FRAS1: variants seen among roughly 807,000 people sequenced by gnomAD.
The protein encoded by FRAS1 is Fraser extracellular matrix complex subunit 1, also known as extracellular matrix organizing protein FRAS1.
FRAS1 carries 290 observed loss-of-function variants against 435.2 expected under a neutral mutation model. That is an observed-to-expected ratio of 0.67 (90% CI 0.61 to 0.73). The LOEUF (loss-of-function observed/expected upper bound fraction) is 0.73. Among genes scored for constraint, FRAS1 ranks in the 30% least tolerant of loss-of-function variants. FRAS1 has a pLI of 0.00. For missense variants in FRAS1, 4,860 were observed against 5,001.5 expected, an observed-to-expected ratio of 0.97 and a Z score of 0.85; for synonymous variants, 1,800 against 1,851.0, an observed-to-expected ratio of 0.97 and a Z score of 0.71.
intron 58 of FRAS1, among the ~76,000 whole-genome samples, chr4:78,484,136 G>T (rs66516926): frequency 4.0e-5 from 6 of 151,852 alleles, no homozygotes; most frequent in Non-Finnish European, 7.4e-5. Flanking sequence ...TCATAAAAAT[G>T]GAATCATATA....
chr4:78,527,979 G>GA (rs1391009699), intron 70 of FRAS1, among the ~76,000 whole-genome samples: 1 of 152,118 alleles, frequency 6.6e-6, no homozygotes, highest in Non-Finnish European at 1.5e-5. Flanking sequence ...GAAGCACAGA[G>GA]AGTTCATCCA....
intron 22 of FRAS1, among the ~76,000 whole-genome samples, chr4:78,365,737 TA>T (rs531246410): frequency 0.027 from 3,617 of 132,070 alleles, 93 homozygotes; most frequent in African/African-American, 0.062. Context: ...TCTAGTACAT[TA>T]AAAAAAAAAA....
At chr4:78,117,133 G>T (rs777621999) in intron 2 of FRAS1, among the ~76,000 whole-genome samples, 34 of 152,102 alleles carry the variant, frequency 2.2e-4, no homozygotes, top group Non-Finnish European at 8.8e-5. Flanking sequence ...GAAAATGCTT[G>T]TCTTTAAAGA....
chr4:78,290,279 C>T (rs184125653), intron 14 of FRAS1, among the ~76,000 whole-genome samples: 7 of 152,242 alleles, frequency 4.6e-5, no homozygotes, highest in Non-Finnish European at 1.0e-4. Flanking sequence ...TGTTTGTCTA[C>T]TTAAAACTTA....
In FRAS1 at chr4:78,238,359, G is replaced by C. The variant is rs901265893; in HGVS notation, c.216+742G>C. 2.5e-3 allele frequency among the ~76,000 whole-genome samples: 373 copies of C among 149,962 alleles called. 16 individuals carry two copies. The highest frequency in any genetic ancestry group is 8.6e-3 in the African/African-American group (353 of 41,238). ...TAAAGTGAATCTATTTTTTAAAAAA[G>C]CTTAAGCTTTAAATTTGAACTTCTG... On this transcript the variant is annotated intron_variant, in intron 3 of 73. Coordinates refer to ENST00000512123, the MANE Select transcript of FRAS1 (RefSeq NM_025074.7).
At chr4:78,209,322 A>T (rs759764766) in intron 2 of FRAS1, among the ~76,000 whole-genome samples, 46 of 152,166 alleles carry the variant, frequency 3.0e-4, no homozygotes, top group Admixed American at 2.9e-3. Context: ...TGGAGGTTGC[A>T]TGCACTGGTG....
intron 24 of FRAS1, 33 bp downstream of exon 24, chr4:78,372,891 C>G: frequency 6.2e-7 from 1 of 1,600,606 alleles, no homozygotes; most frequent in Non-Finnish European, 8.5e-7. Context: ...CTGTGCTCAG[C>G]CATACCTTGG....
Position 78,481,805 on chromosome 4 carries a change from C to A in FRAS1, c.8445C>A (p.Gly2815=), listed in dbSNP as rs372316700. The stretch of plus-strand genomic sequence containing the variant: ...AAATCTCTATGAATCTTAATTCAGG[C>A]ACAGTAAAGATTCCAGTTATCCGCC... ...NTAFTVSEDA[G]TVKIPVIRHG... The change falls in exon 57 of 74, where the codon GGC becomes GGA. Residue 2815 remains glycine (G), a splice_region_variant and synonymous_variant. Transcript: ENST00000512123. The A allele has an allele frequency of 6.2e-7, 1 of 1,613,842 alleles. No individual in the cohort carries two copies. Among genetic ancestry groups the A allele is most frequent in the Non-Finnish European group, 8.5e-7 (1 of 1,179,754 alleles).
At chr4:78,408,803 G>A (rs931506828) in intron 31 of FRAS1, among the ~76,000 whole-genome samples, 1 of 152,132 alleles carries the variant, frequency 6.6e-6, no homozygotes, top group Non-Finnish European at 1.5e-5. Flanking sequence ...ACCATAAGGA[G>A]ACCTTCAGTA....
In FRAS1 at chr4:78,499,703, C is replaced by A. The variant is rs1720617462; in HGVS notation, c.9116-18C>A. 1.2e-6 allele frequency: 2 copies of A among 1,610,322 alleles called. No individual in the cohort carries two copies. Among genetic ancestry groups the A allele is most frequent in the Middle Eastern group, 1.8e-4 (1 of 5,594 alleles). On this transcript the variant is annotated intron_variant, in intron 60 of 73. Coordinates refer to ENST00000512123, the MANE Select transcript of FRAS1 (RefSeq NM_025074.7). ...GCTATTCTAACTGGCTCTTGTTTTC[C>A]TAACCATATTTCCTTAGCCCCCACC...
chr4:78,293,940 A>G (rs1728025595), intron 14 of FRAS1, among the ~76,000 whole-genome samples: 2 of 152,242 alleles, frequency 1.3e-5, no homozygotes, highest in Non-Finnish European at 2.9e-5. Context: ...AGCCTGCCAC[A>G]GATGCCACAG....
rs1173708759 is a variant in FRAS1 at position 78,369,906 on chromosome 4, G to A, written c.2791G>A (p.Val931Ile). 6 of 1,613,744 alleles carry A rather than the reference G, an allele frequency of 3.7e-6. No homozygotes were observed. In the South Asian group the frequency reaches 6.6e-5, roughly 18 times the overall value. Residue 931 changes from valine (V) to isoleucine (I), a missense_variant, in exon 23 of 74, where the codon GTT becomes ATT. Coordinates refer to ENST00000512123, the MANE Select transcript of FRAS1 (RefSeq NM_025074.7). ...SCTSCRDPNK[V>I]LLFGECQYES... ...TACCTCCTGCCGAGATCCAAACAAGGTTCTGCTCTTTGGGGAATGTCAATA... is the reference window on the plus strand; with the variant it reads ...TACCTCCTGCCGAGATCCAAACAAGATTCTGCTCTTTGGGGAATGTCAATA...
intron 2 of FRAS1, among the ~76,000 whole-genome samples, chr4:78,177,873 T>A (rs1246072707): frequency 2.6e-5 from 4 of 152,196 alleles, no homozygotes; most frequent in Non-Finnish European, 5.9e-5. Context: ...GTCAGTACAA[T>A]GGCAGTAATG....
Position 78,466,400 on chromosome 4 carries a change from A to C in FRAS1, c.7222A>C (p.Asn2408His). Residue 2408 changes from asparagine (N) to histidine (H), a missense_variant, in exon 50 of 74, where the codon AAC becomes CAC. Asn to His is a moderately conservative substitution (Grantham distance 68). Coordinates refer to ENST00000512123, the MANE Select transcript of FRAS1 (RefSeq NM_025074.7). ...RFTFTVSDGT[N>H]PFFIIEEGGK... ...CACCTTCACTGTTTCTGATGGGACA[A>C]ACCCCTTCTTTATCATTGAGGAAGG... 1.2e-6 allele frequency: 2 copies of C among 1,613,912 alleles called. No individual in the cohort carries two copies. Among genetic ancestry groups the C allele is most frequent in the South Asian group, 2.2e-5 (2 of 91,064 alleles).
intron 2 of FRAS1, among the ~76,000 whole-genome samples, chr4:78,128,989 C>T (rs886378190): frequency 1.3e-4 from 20 of 152,174 alleles, no homozygotes; most frequent in Admixed American, 6.5e-5. Flanking sequence ...CCAGTTTTCC[C>T]AGCACCATTT....
intron 27 of FRAS1, among the ~76,000 whole-genome samples, chr4:78,380,434 T>C (rs1280361404): frequency 6.6e-6 from 1 of 152,102 alleles, no homozygotes; most frequent in Non-Finnish European, 1.5e-5. Context: ...AGAATCACAG[T>C]GAACTTTTTA....
chr4:78,464,012 T>G lies in FRAS1; in HGVS notation c.6764-9T>G. ...TCCTGTCTCTGTTTCTCTTTTCCCC[T>G]TTTTCTAGGTATCCAGATTAGTTCC... On this transcript the variant is annotated splice_polypyrimidine_tract_variant and intron_variant, in intron 47 of 73. Transcript: ENST00000512123. 2 of 1,611,760 alleles carry G rather than the reference T, an allele frequency of 1.2e-6. No individual in the cohort carries two copies. The highest frequency in any genetic ancestry group is 1.7e-6 in the Non-Finnish European group (2 of 1,179,134).
chr4:78,237,361 T>C (rs918808057), intron 2 of FRAS1, 149 bp from the exon 3 acceptor site: 1 of 545,562 alleles, frequency 1.8e-6, no homozygotes, highest in African/African-American at 1.9e-5. Context: ...TGGGGTTTAA[T>C]CAGTGCCCAG....
rs531712658 is a variant in FRAS1, at chr4:78,166,066, G to A, written c.109-71444G>A. 5.3e-5 allele frequency among the ~76,000 whole-genome samples: 8 copies of A among 152,270 alleles called. No individual in the cohort carries two copies. The East Asian group carries it at 5.8e-4, about 11-fold the overall frequency. On this transcript the variant is annotated intron_variant, in intron 2 of 73. Transcript: ENST00000512123. Reference sequence around the variant, plus strand: ...CTACAGGCCCCTCTCAGTGCTTTCTGTTAAACCTGTGAGTAATCTAATTGG... The same window carrying A: ...CTACAGGCCCCTCTCAGTGCTTTCTATTAAACCTGTGAGTAATCTAATTGG...
Sources: allele counts gnomAD v4.1 joint callset (sites outside exome capture counted in the v4.1 genomes callset), GRCh38; gene constraint gnomAD v4.1.1; transcripts MANE v1.5; gene names NCBI Gene and HGNC (gene_info 2026-07-23, HGNC 2026-07-21).